STRN: variants seen among roughly 807,000 people sequenced by gnomAD.
The protein encoded by STRN is striatin.
Under a neutral mutation model 96.3 loss-of-function variants are expected in STRN, and 53 were observed. The ratio of observed to expected loss-of-function variants is 0.55; its 90% CI spans 0.44 to 0.69. The LOEUF is 0.69. Ranked by LOEUF, STRN falls within the 30% of genes least tolerant of loss-of-function variation. The pLI is 0.00. For missense variants in STRN, 987 were observed against 963.9 expected, an observed-to-expected ratio of 1.02 and a Z score of -0.32; for synonymous variants, 428 against 355.9, an observed-to-expected ratio of 1.20 and a Z score of -2.28.
Position 36,849,601 on chromosome 2 carries a change from C to T in STRN, c.2198G>A (p.Trp733Ter). 1.2e-6 allele frequency: 2 copies of T among 1,613,880 alleles called. No homozygotes were observed. Among genetic ancestry groups the T allele is most frequent in the Non-Finnish European group, 1.7e-6 (2 of 1,179,938 alleles). Residue 733 changes from tryptophan to a stop codon, truncating the protein, a stop_gained, in exon 18 of 18, where the codon TGG becomes TAG. Coordinates refer to ENST00000263918, the MANE Select transcript of STRN (RefSeq NM_003162.4). LOFTEE classifies it high-confidence loss of function. ...SGSHDCSIRL[W>*]NLESKTCIQE... is the part of the protein sequence containing the mutation. ...GATACACGTCTTACTTTCTAGATTC[C>T]ATAAACGTATTGAACAGTCATGACC...
At chr2:36,886,854 C>A (rs764447086) in intron 7 of STRN, 28 bp from the exon 8 acceptor site, 12 of 1,570,846 alleles carry the variant, frequency 7.6e-6, no homozygotes, top group African/African-American at 2.7e-5. Flanking sequence ...AATGAAACAG[C>A]CTTTTTCAAT....
At chr2:36,944,563 G>A (rs1296896306) in intron 1 of STRN, among the ~76,000 whole-genome samples, 3 of 152,096 alleles carry the variant, frequency 2.0e-5, no homozygotes, top group Non-Finnish European at 4.4e-5. Context: ...TAACTTACAA[G>A]TATAGATTTA....
chr2:36,898,732 C>G (rs868191783), intron 6 of STRN, among the ~76,000 whole-genome samples: 1 of 152,134 alleles, frequency 6.6e-6, no homozygotes, highest in Non-Finnish European at 1.5e-5. Context: ...AGTTAGAGGT[C>G]CGATCTGCTT....
At chr2:36,955,312 G>C (rs1664857842) in intron 1 of STRN, among the ~76,000 whole-genome samples, 1 of 152,156 alleles carries the variant, frequency 6.6e-6, no homozygotes, top group South Asian at 2.1e-4. Context: ...CGGGGGATGA[G>C]ATTACTTAAA....
chr2:36,875,493 G>A (rs1455878658), intron 10 of STRN, among the ~76,000 whole-genome samples: 1 of 110,208 alleles, frequency 9.1e-6, no homozygotes, highest in Non-Finnish European at 1.7e-5. Context: ...GCAGCAGAGT[G>A]AGACTCTGCC....
At chr2:36,946,589 G>C (rs558272892) in intron 1 of STRN, among the ~76,000 whole-genome samples, 1 of 152,286 alleles carries the variant, frequency 6.6e-6, no homozygotes, top group East Asian at 1.9e-4. Flanking sequence ...AGAAAATGTG[G>C]TATACACTAA....
intron 1 of STRN, among the ~76,000 whole-genome samples, chr2:36,956,171 T>A (rs997896346): frequency 3.9e-5 from 6 of 152,348 alleles, no homozygotes; most frequent in Non-Finnish European, 8.8e-5. Context: ...AAACTGGTTC[T>A]TGGCTTCTAC....
chr2:36,942,280 G>GA (rs1246564855), intron 1 of STRN, among the ~76,000 whole-genome samples: 2 of 152,054 alleles, frequency 1.3e-5, no homozygotes, highest in African/African-American at 2.4e-5. Context: ...AGATGAGAAA[G>GA]AAAAAACCTA....
chr2:36,959,456 G>C (rs1453909008), intron 1 of STRN, among the ~76,000 whole-genome samples: 2 of 152,154 alleles, frequency 1.3e-5, no homozygotes, highest in African/African-American at 4.8e-5. Flanking sequence ...AAACTGTAAA[G>C]ATATCTGGAG....
intron 2 of STRN, among the ~76,000 whole-genome samples, chr2:36,919,901 A>G (rs908338893): frequency 6.6e-6 from 1 of 152,212 alleles, no homozygotes; most frequent in African/African-American, 2.4e-5. Flanking sequence ...ATTTATATTA[A>G]ATTTTATCAC....
intron 1 of STRN, among the ~76,000 whole-genome samples, chr2:36,959,371 G>A (rs1654793569): frequency 6.6e-6 from 1 of 152,214 alleles, no homozygotes; most frequent in Non-Finnish European, 1.5e-5. Flanking sequence ...AGTGCTGGCT[G>A]TAGCAGTACA....
intron 1 of STRN, among the ~76,000 whole-genome samples, chr2:36,954,931 G>GCCCAGTC (rs1664847780): frequency 6.6e-6 from 1 of 152,112 alleles, no homozygotes; most frequent in Admixed American, 6.6e-5. Context: ...AAGCCACCAT[G>GCCCAGTC]CCCAGTCCAA....
rs998992572 is a variant in STRN, at chr2:36,839,853, G to T, written c.*9603C>A. On this transcript the variant is annotated 3_prime_UTR_variant, in exon 18 of 18. Transcript: ENST00000263918. ...GTCATTTGAATATTAAATATAAATA[G>T]TTGGTCTCTAACTTGTTGACTGTTT... The T allele has an allele frequency of 2.0e-5, 3 of 152,150 alleles. No individual in the cohort carries two copies. The highest frequency in any genetic ancestry group is 7.2e-5 in the African/African-American group (3 of 41,430). The allele number at this position is 152,150 out of a possible 1,614,324, so 9.4% of individuals were successfully genotyped here. A position where few individuals can be genotyped will look rare whatever the true frequency, so the allele number is the denominator to read the frequency against.
chr2:36,877,891 A>C lies in STRN; in HGVS notation c.1323T>G (p.Asp441Glu). The C allele has an allele frequency of 1.2e-6, 2 of 1,613,578 alleles. No homozygotes were observed. Among genetic ancestry groups the C allele is most frequent in the Non-Finnish European group, 1.7e-6 (2 of 1,179,866 alleles). ...VANEADSLTY[D>E]IANNKDALRK... ...CAACAAAAACAAAACTACTACTTAC[A>C]TCATAAGTTAGTGAGTCTGCTTCAT... is the stretch of plus-strand genomic sequence containing the variant. The change falls in exon 10 of 18, where the codon GAT becomes GAG. Residue 441 changes from aspartate to glutamate, a missense_variant and splice_region_variant. Coordinates refer to ENST00000263918, the MANE Select transcript of STRN (RefSeq NM_003162.4).
chr2:36,957,137 A>G (rs985184936), intron 1 of STRN, among the ~76,000 whole-genome samples: 1 of 152,238 alleles, frequency 6.6e-6, no homozygotes, highest in Non-Finnish European at 1.5e-5. Flanking sequence ...CAGAGTGGAC[A>G]GTCTAATAGG....
intron 2 of STRN, among the ~76,000 whole-genome samples, chr2:36,919,020 G>A (rs1315005405): frequency 6.6e-6 from 1 of 152,172 alleles, no homozygotes; most frequent in Non-Finnish European, 1.5e-5. Flanking sequence ...CACTAAAGAA[G>A]AGTAATTTTA....
At chr2:36,890,167 T>C (rs1669350184) in intron 7 of STRN, among the ~76,000 whole-genome samples, 1 of 152,174 alleles carries the variant, frequency 6.6e-6, no homozygotes, top group Non-Finnish European at 1.5e-5. Flanking sequence ...ATGAGTAACT[T>C]GATACACAAG....
intron 1 of STRN, among the ~76,000 whole-genome samples, chr2:36,956,391 T>A (rs1386867851): frequency 6.6e-6 from 1 of 152,194 alleles, no homozygotes; most frequent in Admixed American, 6.5e-5. Context: ...ATGAAAGTGA[T>A]AGAGATGTCT....
Position 36,966,377 on chromosome 2 carries a change from C to A in STRN, c.87G>T (p.Glu29Asp). 1 of 1,465,266 alleles carries A rather than the reference C, an allele frequency of 6.8e-7. No homozygotes were observed. The highest frequency in any genetic ancestry group is 1.5e-5 in the African/African-American group (1 of 67,888). The allele number at this position is 1,465,266 out of a possible 1,614,324, so 90.8% of individuals were successfully genotyped here. ...GGAKGLGPLAEAAAAGDGAAA... is the reference protein window; with the variant it reads ...GGAKGLGPLADAAAAGDGAAA... Reference sequence around the variant, plus strand: ...CCGCCCCGTCGCCGGCCGCGGCAGCCTCCGCCAGAGGCCCGAGCCCCTTGG... The same window carrying A: ...CCGCCCCGTCGCCGGCCGCGGCAGCATCCGCCAGAGGCCCGAGCCCCTTGG... Residue 29 changes from glutamate to aspartate, a missense_variant, in exon 1 of 18, where the codon GAG becomes GAT. By Grantham distance (45) the Glu-to-Asp change is conservative (BLOSUM62 2). Transcript: ENST00000263918.
Sources: allele counts gnomAD v4.1 joint callset (sites outside exome capture counted in the v4.1 genomes callset), GRCh38; gene constraint gnomAD v4.1.1; transcripts MANE v1.5; gene names NCBI Gene and HGNC (gene_info 2026-07-23, HGNC 2026-07-21).